The following PHLPP1 variants were observed in gnomAD, a reference collection of about 807,000 sequenced individuals.
PHLPP1 encodes the protein PH domain and leucine rich repeat protein phosphatase 1, also known as PH domain leucine-rich repeat-containing protein phosphatase 1.
A neutral mutation model predicts 117.2 loss-of-function variants in PHLPP1; 42 were observed. The ratio of observed to expected loss-of-function variants is 0.36; its 90% CI spans 0.28 to 0.46. The LOEUF (loss-of-function observed/expected upper bound fraction) is 0.46, where lower values mean the gene tolerates loss of function less well. Ranked by LOEUF, PHLPP1 falls within the 20% of genes least tolerant of loss-of-function variation. The pLI, the probability that PHLPP1 is intolerant of heterozygous loss-of-function variation, is 1.00. For synonymous variants in PHLPP1, 1,042 were observed against 970.7 expected (o/e 1.07, Z -1.37); for missense variants, 2,084 against 2,241.9 (o/e 0.93, Z 1.42).
chr18:62,931,963 A>G (rs1272474602), intron 10 of PHLPP1, among the ~76,000 whole-genome samples: 2 of 152,116 alleles, frequency 1.3e-5, no homozygotes, highest in Admixed American at 1.3e-4. Context: ...ACAGAAACAG[A>G]AAAGATCCTC....
chr18:62,953,683 T>G (rs928381867), intron 12 of PHLPP1, among the ~76,000 whole-genome samples: 1 of 152,274 alleles, frequency 6.6e-6, no homozygotes, highest in African/African-American at 2.4e-5. Flanking sequence ...ACATTTTCTT[T>G]TGAAAGAATA....
At chr18:62,785,045 T>G (rs1487292314) in intron 1 of PHLPP1, among the ~76,000 whole-genome samples, 1 of 152,240 alleles carries the variant, frequency 6.6e-6, no homozygotes, top group African/African-American at 2.4e-5. Flanking sequence ...ATAATTGGTA[T>G]GTTTTTCTGT....
intron 8 of PHLPP1, chr18:62,906,500 C>T (rs1313055650): frequency 6.9e-6 from 1 of 144,940 alleles, no homozygotes; most frequent in East Asian, 2.0e-4. Context: ...CTGGGAAGCG[C>T]AAGGGGTCAG....
chr18:62,966,155 C>T (rs1361977513), intron 14 of PHLPP1, among the ~76,000 whole-genome samples: 2 of 152,048 alleles, frequency 1.3e-5, no homozygotes, highest in African/African-American at 2.4e-5. Context: ...GAAAAAACTA[C>T]CTATCCTCAT....
chr18:62,788,803 T>TC (rs1425468674), intron 1 of PHLPP1, among the ~76,000 whole-genome samples: 1 of 152,166 alleles, frequency 6.6e-6, no homozygotes, highest in Non-Finnish European at 1.5e-5. Context: ...AATGCCTTTT[T>TC]CCCCCTTTTT....
In PHLPP1 at chr18:62,945,223, C is replaced by A; in HGVS notation, c.3276C>A (p.Ser1092=). 6.2e-7 allele frequency: 1 copy of A among 1,611,342 alleles called. No homozygotes were observed. The highest frequency in any genetic ancestry group is 8.5e-7 in the Non-Finnish European group (1 of 1,178,978). Residue 1092 remains serine, a synonymous_variant, in exon 12 of 17, where the codon TCC becomes TCA. Coordinates refer to ENST00000262719, the MANE Select transcript of PHLPP1 (RefSeq NM_194449.4). ...GCATGCACACCGTGATTGCTCACTCCAACTGCATCGAGGTCTTTCCCGAAG... is the reference window on the plus strand; with the variant it reads ...GCATGCACACCGTGATTGCTCACTCAAACTGCATCGAGGTCTTTCCCGAAG... ...CRRMHTVIAH[S]NCIEVFPEVM...
intron 1 of PHLPP1, among the ~76,000 whole-genome samples, chr18:62,754,674 T>C (rs1242977928): frequency 2.0e-5 from 3 of 152,224 alleles, no homozygotes; most frequent in Non-Finnish European, 4.4e-5. Context: ...TTAGCTATTG[T>C]ATCAAAACGT....
chr18:62,915,051 G>A, intron 9 of PHLPP1, 43 bp downstream of exon 9: 1 of 1,424,196 alleles, frequency 7.0e-7, no homozygotes, highest in South Asian at 1.2e-5. Flanking sequence ...CAATAAATGA[G>A]CAATTTTAAA....
intron 1 of PHLPP1, among the ~76,000 whole-genome samples, chr18:62,810,007 C>G: frequency 6.6e-6 from 1 of 152,146 alleles, no homozygotes; most frequent in East Asian, 1.9e-4. Context: ...CTGCAGGGTC[C>G]ATCTTCGTGG....
intron 10 of PHLPP1, among the ~76,000 whole-genome samples, chr18:62,920,660 A>G (rs758013140): frequency 6.6e-6 from 1 of 152,056 alleles, no homozygotes; most frequent in Non-Finnish European, 1.5e-5. Context: ...CCCAGGTTCA[A>G]GCGATTCTCC....
rs374146972 is a variant in PHLPP1 at position 62,957,336 on chromosome 18, T to C, written c.3325-1293T>C. Among the ~76,000 whole-genome samples the C allele has an allele frequency of 2.5e-4, 38 of 150,496 alleles. No individual in the cohort carries two copies. The East Asian group carries it at 6.4e-3, about 25-fold the overall frequency. Reference sequence around the variant, plus strand: ...ATTTCTACTTACAGGTAAAACCTGATTTTTTTGTAACCAACATGACCCTTT... The same window carrying C: ...ATTTCTACTTACAGGTAAAACCTGACTTTTTTGTAACCAACATGACCCTTT... On this transcript the variant is annotated intron_variant, in intron 12 of 16. Transcript: ENST00000262719.
intron 4 of PHLPP1, among the ~76,000 whole-genome samples, chr18:62,876,662 T>C (rs1916057666): frequency 1.3e-5 from 2 of 152,204 alleles, no homozygotes; most frequent in Admixed American, 1.3e-4. Context: ...CCATTTCTTG[T>C]ATTTAGTATT....
At position 62,860,718 on chromosome 18, in the gene PHLPP1, A is replaced by G. The variant is rs116909762; in HGVS notation, c.2066+117A>G. The G allele has an allele frequency of 0.031, 24,583 of 794,228 alleles. 477 individuals carry two copies. Among genetic ancestry groups the G allele is most frequent in the South Asian group, 0.063 (3,252 of 51,916 alleles). 49.2% of individuals were successfully genotyped at this position (794,228 alleles called of 1,614,324 possible). ...CTAGTGTGTAAACTTTCTCCTTCAGATAACAGGGTAATAGGACTTTGTTTA... is the reference window on the plus strand; with the variant it reads ...CTAGTGTGTAAACTTTCTCCTTCAGGTAACAGGGTAATAGGACTTTGTTTA... On this transcript the variant is annotated intron_variant, in intron 4 of 16. Coordinates refer to ENST00000262719, the MANE Select transcript of PHLPP1 (RefSeq NM_194449.4).
chr18:62,739,416 G>A (rs896541976), intron 1 of PHLPP1, among the ~76,000 whole-genome samples: 2 of 152,110 alleles, frequency 1.3e-5, no homozygotes, highest in Non-Finnish European at 2.9e-5. Flanking sequence ...ATGAGGAGCC[G>A]TCTGGTCTTG....
At chr18:62,857,867 A>C (rs1347370254) in intron 3 of PHLPP1, among the ~76,000 whole-genome samples, 1 of 152,204 alleles carries the variant, frequency 6.6e-6, no homozygotes, top group East Asian at 1.9e-4. Flanking sequence ...CACACCATTA[A>C]GTAGATTCTC....
At chr18:62,763,794 AT>A (rs933603103) in intron 1 of PHLPP1, among the ~76,000 whole-genome samples, 1 of 151,640 alleles carries the variant, frequency 6.6e-6, no homozygotes, top group Non-Finnish European at 1.5e-5. Context: ...AGCACCAGAG[AT>A]TTTTTTTTCT....
At position 62,716,635 on chromosome 18, in the gene PHLPP1, C is replaced by A; in HGVS notation, c.952C>A (p.Pro318Thr). ...GPGGWSRRAS[P>T]APSDSSPGEP... ...GGGCGGGTGGTCGCGCCGCGCCAGC[C>A]CAGCGCCCTCGGACTCCAGCCCCGG... The change falls in exon 1 of 17, where the codon CCA becomes ACA. Residue 318 changes from proline to threonine, a missense_variant. Physicochemically the swap from Pro to Thr is conservative, Grantham distance 38 (BLOSUM62 -1). Around this residue, in one of 2 missense-constraint regions of PHLPP1, gnomAD observed 719 missense variants for 636.0 expected, o/e 1.13. Coordinates refer to ENST00000262719, the MANE Select transcript of PHLPP1 (RefSeq NM_194449.4). The surrounding 1 kb of genome is among the most constrained non-coding windows in gnomAD (Gnocchi z 5.7). 1 of 1,382,160 alleles carries A rather than the reference C, an allele frequency of 7.2e-7. No individual in the cohort carries two copies. Among genetic ancestry groups the A allele is most frequent in the Non-Finnish European group, 9.3e-7 (1 of 1,070,550 alleles). 85.6% of individuals were successfully genotyped at this position (1,382,160 alleles called of 1,614,324 possible). A position where few individuals can be genotyped will look rare whatever the true frequency, so the allele number is the denominator to read the frequency against.
At chr18:62,852,723 T>C (rs1915390436) in intron 3 of PHLPP1, among the ~76,000 whole-genome samples, 1 of 152,214 alleles carries the variant, frequency 6.6e-6, no homozygotes, top group Admixed American at 6.5e-5. Context: ...TTTAGAGTCA[T>C]TCTGGTTAAT....
chr18:62,870,193 G>A (rs969412531), intron 4 of PHLPP1, among the ~76,000 whole-genome samples: 2 of 152,056 alleles, frequency 1.3e-5, no homozygotes, highest in African/African-American at 4.8e-5. Context: ...ACTGTGCCCG[G>A]CCACCAGTTT....
Sources: gnomAD v4.1 joint callset for allele counts (sites outside exome capture counted in the v4.1 genomes callset) on GRCh38, gnomAD v4.1.1 for gene constraint, gnomAD v4.1.1 regional missense constraint, Gnocchi (gnomAD v3.1) non-coding constraint, MANE v1.5 for transcripts, NCBI Gene and HGNC (gene_info 2026-07-23, HGNC 2026-07-21) for gene names.